The following KCNT2 variants were observed in gnomAD, a reference collection of about 807,000 sequenced individuals.
The protein encoded by KCNT2 is potassium sodium-activated channel subfamily T member 2, also known as potassium channel subfamily T member 2.
In KCNT2, 67 loss-of-function variants were observed where a neutral mutation model predicts 153.8. The ratio of observed to expected loss-of-function variants is 0.44; its 90% CI spans 0.36 to 0.53. KCNT2 has a LOEUF of 0.53. Among genes scored for constraint, KCNT2 ranks in the 20% least tolerant of loss-of-function variants. KCNT2 has a pLI of 0.00. For missense variants in KCNT2, 975 were observed against 1,354.8 expected (o/e 0.72, Z 4.40); for synonymous variants, 500 against 458.8 (o/e 1.09, Z -1.15).
rs140498624 is a variant in KCNT2 at position 196,416,550 on chromosome 1, C to T, written c.1185+6500G>A. 2.0e-3 allele frequency among the ~76,000 whole-genome samples: 302 copies of T among 152,126 alleles called. 1 individual carries two copies. Among genetic ancestry groups the T allele is most frequent in the Middle Eastern group, 0.01 (3 of 294 alleles). Reference sequence around the variant, plus strand: ...CCTTGCTACTCTACCAAACTTTTCACGGCTATATATGCTACTTGTTTCACT... The same window carrying T: ...CCTTGCTACTCTACCAAACTTTTCATGGCTATATATGCTACTTGTTTCACT... On this transcript the variant is annotated intron_variant, in intron 12 of 27. Coordinates refer to ENST00000294725, the MANE Select transcript of KCNT2 (RefSeq NM_198503.5).
intron 20 of KCNT2, among the ~76,000 whole-genome samples, chr1:196,316,307 T>A (rs1313979080): frequency 6.6e-6 from 1 of 151,738 alleles, no homozygotes; most frequent in Admixed American, 6.6e-5. Context: ...ATTATATACA[T>A]GAAATATGGA....
chr1:196,567,989 A>T (rs374661022), intron 1 of KCNT2, among the ~76,000 whole-genome samples: 2 of 152,184 alleles, frequency 1.3e-5, no homozygotes, highest in South Asian at 4.1e-4. Flanking sequence ...ACCTCTAAGG[A>T]AGCAATGAAA....
rs573967860 is a variant in KCNT2, at chr1:196,517,665, G to T, written c.96-25324C>A. Reference sequence around the variant, plus strand: ...AGCAGAGTAGAACAAGCTGAGGAAAGAATCTTAGAACTTGAAGAGTGTCTC... The same window carrying T: ...AGCAGAGTAGAACAAGCTGAGGAAATAATCTTAGAACTTGAAGAGTGTCTC... On this transcript the variant is annotated intron_variant, in intron 1 of 27. Coordinates refer to ENST00000294725, the MANE Select transcript of KCNT2 (RefSeq NM_198503.5). Among the ~76,000 whole-genome samples the T allele has an allele frequency of 1.5e-4, 23 of 152,204 alleles. 1 individual carries two copies. The highest frequency in any genetic ancestry group is 2.2e-4 in the African/African-American group (9 of 41,536).
intron 1 of KCNT2, among the ~76,000 whole-genome samples, chr1:196,584,242 C>G (rs1662402976): frequency 6.6e-6 from 1 of 151,596 alleles, no homozygotes; most frequent in Non-Finnish European, 1.5e-5. Flanking sequence ...GAGGAATCAC[C>G]AAAGGTTGAC....
chr1:196,465,426 A>G (rs372225142), intron 7 of KCNT2, 39 bp from the exon 8 acceptor site: 2 of 1,080,194 alleles, frequency 1.9e-6, no homozygotes, highest in Non-Finnish European at 2.9e-6. Context: ...ATTTTGATAA[A>G]TACTAAATAT....
intron 6 of KCNT2, among the ~76,000 whole-genome samples, chr1:196,468,656 C>G (rs1035709375): frequency 1.3e-5 from 2 of 151,842 alleles, no homozygotes; most frequent in African/African-American, 4.8e-5. Context: ...AAATATGTTT[C>G]CAATTGGCTT....
At chr1:196,334,490 T>TC (rs1338240702) in intron 16 of KCNT2, among the ~76,000 whole-genome samples, 5 of 136,250 alleles carry the variant, frequency 3.7e-5, no homozygotes, top group Non-Finnish European at 6.3e-5. Context: ...TTTCTTTCTT[T>TC]TTTTTTTTTA....
intron 1 of KCNT2, among the ~76,000 whole-genome samples, chr1:196,607,332 T>C (rs1346145622): frequency 6.6e-6 from 1 of 152,226 alleles, no homozygotes; most frequent in Non-Finnish European, 1.5e-5. Context: ...GCATGTGATA[T>C]ATGGGATGAC....
chr1:196,423,084 A>G lies in KCNT2; in HGVS notation c.1151T>C (p.Leu384Pro), dbSNP rs1161096878. The G allele has an allele frequency of 2.5e-6, 4 of 1,605,104 alleles. No homozygotes were observed. The highest frequency in any genetic ancestry group is 1.3e-5 in the African/African-American group (1 of 74,708). ...KMDDAEACFILSSRCEVDRTS... is the reference protein window; with the variant it reads ...KMDDAEACFIPSSRCEVDRTS... ...CCTATCCACTTCACAACGGCTACTG[A>G]GAATAAAACAGGCCTCAGCGTCATC... Residue 384 changes from leucine (L) to proline (P), a missense_variant, in exon 12 of 28, where the codon CTC becomes CCC. By Grantham distance (98) the Leu-to-Pro change is moderately conservative. Transcript: ENST00000294725.
intron 19 of KCNT2, among the ~76,000 whole-genome samples, chr1:196,323,911 G>A (rs1403759810): frequency 6.7e-6 from 1 of 150,366 alleles, no homozygotes; most frequent in African/African-American, 2.4e-5. Flanking sequence ...TTGTAATATT[G>A]TAGGATGGAT....
chr1:196,589,256 TA>T (rs921973835), intron 1 of KCNT2, among the ~76,000 whole-genome samples: 14 of 65,590 alleles, frequency 2.1e-4, no homozygotes, highest in Admixed American at 1.0e-3. Flanking sequence ...ACTATATATA[TA>T]AAAAAAAGTG....
At chr1:196,313,421 A>T (rs975511402) in intron 21 of KCNT2, among the ~76,000 whole-genome samples, 3 of 151,590 alleles carry the variant, frequency 2.0e-5, no homozygotes, top group Non-Finnish European at 4.4e-5. Flanking sequence ...ATCAATAATT[A>T]TGATAATCAG....
chr1:196,314,810 C>T (rs949351394), intron 21 of KCNT2, among the ~76,000 whole-genome samples: 2 of 151,508 alleles, frequency 1.3e-5, no homozygotes, highest in East Asian at 1.9e-4. Flanking sequence ...TTCCCTTCTG[C>T]CACATGGAAG....
chr1:196,304,102 C>A (rs1378127851), intron 22 of KCNT2, among the ~76,000 whole-genome samples: 3 of 152,016 alleles, frequency 2.0e-5, no homozygotes, highest in Admixed American at 6.6e-5. Flanking sequence ...AAGCAGGGCA[C>A]AACAACAATT....
At chr1:196,247,389 G>C (rs564104350) in intron 26 of KCNT2, among the ~76,000 whole-genome samples, 1 of 152,118 alleles carries the variant, frequency 6.6e-6, no homozygotes, top group Non-Finnish European at 1.5e-5. Context: ...CAGAAAATCA[G>C]CAAGGAAATG....
Position 196,489,888 on chromosome 1 carries a change from T to C in KCNT2, c.225A>G (p.Leu75=). The change falls in exon 3 of 28, where the codon TTA becomes TTG. Residue 75 remains leucine, a synonymous_variant. Coordinates refer to ENST00000294725, the MANE Select transcript of KCNT2 (RefSeq NM_198503.5). ...CTAGTAGTACTCGGATTATGTATAA[T>C]AAGCAGCTTAGTAATTTGAGAGAAA... is the stretch of plus-strand genomic sequence containing the variant. The part of the protein sequence containing the change: ...FNFSLKLLSC[L]LYIIRVLLEN... 6.3e-7 allele frequency: 1 copy of C among 1,593,034 alleles called. No homozygotes were observed. The highest frequency in any genetic ancestry group is 8.5e-7 in the Non-Finnish European group (1 of 1,170,186).
At chr1:196,380,093 A>G (rs78478987) in intron 13 of KCNT2, among the ~76,000 whole-genome samples, 1 of 152,340 alleles carries the variant, frequency 6.6e-6, no homozygotes, top group Non-Finnish European at 1.5e-5. Context: ...TTTTGTAAAA[A>G]TGCTGAATTC....
At chr1:196,544,776 C>A (rs1025483478) in intron 1 of KCNT2, among the ~76,000 whole-genome samples, 1 of 152,064 alleles carries the variant, frequency 6.6e-6, no homozygotes, top group African/African-American at 2.4e-5. Context: ...AAAGAATGCC[C>A]TGAGCAGCAC....
At chr1:196,349,674 T>C (rs1281563793) in intron 14 of KCNT2, among the ~76,000 whole-genome samples, 1 of 151,782 alleles carries the variant, frequency 6.6e-6, no homozygotes, top group East Asian at 1.9e-4. Flanking sequence ...CAAACCTTTT[T>C]ATTTTATTTT....
Sources: gnomAD v4.1 joint callset for allele counts (sites outside exome capture counted in the v4.1 genomes callset) on GRCh38, gnomAD v4.1.1 for gene constraint, MANE v1.5 for transcripts, NCBI Gene and HGNC (gene_info 2026-07-23, HGNC 2026-07-21) for gene names.